LARS2: variants seen among roughly 807,000 people sequenced by gnomAD.
The protein encoded by LARS2 is leucyl-tRNA synthetase 2, mitochondrial.
A neutral mutation model predicts 116.6 loss-of-function variants in LARS2; 81 were observed. The observed-to-expected ratio is 0.69, with a 90% CI of 0.58 to 0.84. LARS2 has a LOEUF of 0.84. LARS2 is among the 40% of genes least tolerant of loss of function. The pLI, the probability that LARS2 is intolerant of heterozygous loss-of-function variation, is 0.00. For missense variants in LARS2, 968 were observed against 1,114.5 expected (o/e 0.87, Z 1.87); for synonymous variants, 396 against 407.2 (o/e 0.97, Z 0.33).
Position 45,541,911 on chromosome 3 carries a change from C to T in LARS2, c.2487C>T (p.Asp829=). 6.2e-7 allele frequency: 1 copy of T among 1,614,240 alleles called. No individual in the cohort carries two copies. Among genetic ancestry groups the T allele is most frequent in the Non-Finnish European group, 8.5e-7 (1 of 1,180,028 alleles). The change falls in exon 21 of 22, where the codon GAC becomes GAT. Residue 829 remains aspartate (D), a synonymous_variant. Coordinates refer to ENST00000645846, the MANE Select transcript of LARS2 (RefSeq NM_015340.4). ...SVLLQAWPAV[D]PEFLQQPEVV... The stretch of plus-strand genomic sequence containing the variant: ...TGCTCCAGGCATGGCCTGCTGTGGA[C>T]CCGGAGTTCCTGCAGCAGCCTGAGG...
chr3:45,413,136 A>C (rs1319200146), intron 4 of LARS2, among the ~76,000 whole-genome samples: 3 of 152,234 alleles, frequency 2.0e-5, no homozygotes, highest in Admixed American at 6.5e-5. Context: ...AATGCCTAGC[A>C]CCAACCTTCT....
intron 15 of LARS2, among the ~76,000 whole-genome samples, chr3:45,510,722 C>A (rs1185641044): frequency 6.6e-6 from 1 of 152,132 alleles, no homozygotes; most frequent in African/African-American, 2.4e-5. Flanking sequence ...AGGGAGAAGT[C>A]CTGGATGGCT....
At chr3:45,494,402 CAGA>C (rs199538101) in intron 13 of LARS2, among the ~76,000 whole-genome samples, 343 of 152,330 alleles carry the variant, frequency 2.3e-3, no homozygotes, top group African/African-American at 7.9e-3. Context: ...GCTAAATTAG[CAGA>C]AGATTTATCA....
rs189976783 is a variant in LARS2, at chr3:45,429,985, A to C, written c.516+10256A>C. Among the ~76,000 whole-genome samples the C allele has an allele frequency of 9.6e-4, 122 of 126,778 alleles. 1 individual carries two copies. The highest frequency in any genetic ancestry group is 2.1e-4 in the Non-Finnish European group (13 of 61,892). The allele number at this position is 126,778 out of a possible 152,430, so 83.2% of individuals were successfully genotyped here. On this transcript the variant is annotated intron_variant, in intron 6 of 21. Coordinates refer to ENST00000645846, the MANE Select transcript of LARS2 (RefSeq NM_015340.4). ...CCAAAGTGCTGGACTTACAGGCATGAGCCACCATGCCCAGCCTCTTTTTTT... is the reference window on the plus strand; with the variant it reads ...CCAAAGTGCTGGACTTACAGGCATGCGCCACCATGCCCAGCCTCTTTTTTT...
In LARS2 at chr3:45,418,476, G is replaced by A. The variant is rs142157895; in HGVS notation, c.455+903G>A. On this transcript the variant is annotated intron_variant, in intron 5 of 21. Coordinates refer to ENST00000645846, the MANE Select transcript of LARS2 (RefSeq NM_015340.4). Reference sequence around the variant, plus strand: ...TTTTATCTAGTGATAAAAAGAGGAGGAAATGATGATTCAAATAAAGTGGAT... The same window carrying A: ...TTTTATCTAGTGATAAAAAGAGGAGAAAATGATGATTCAAATAAAGTGGAT... Among the ~76,000 whole-genome samples the A allele has an allele frequency of 7.2e-4, 110 of 152,264 alleles. 1 individual carries two copies. The highest frequency in any genetic ancestry group is 2.4e-3 in the African/African-American group (101 of 41,568).
At position 45,485,730 on chromosome 3, in the gene LARS2, C is replaced by A. The variant is rs1699796284; in HGVS notation, c.1057C>A (p.Gln353Lys). 6.2e-7 allele frequency: 1 copy of A among 1,611,766 alleles called. No homozygotes were observed. The change falls in exon 11 of 22, where the codon CAG (glutamine) becomes AAG (lysine). Residue 353 changes from glutamine (Q) to lysine (K), a missense_variant. Gln to Lys is a moderately conservative substitution (Grantham distance 53). Coordinates refer to ENST00000645846, the MANE Select transcript of LARS2 (RefSeq NM_015340.4). ...TGTAATGGCTGTGAACATGCTTACC[C>A]AGCAGGAGGTCCCTGTCGTTATTTT... ...TPVMAVNMLT[Q>K]QEVPVVILAK...
chr3:45,392,344 C>T (rs1697970017), intron 2 of LARS2, among the ~76,000 whole-genome samples: 2 of 150,228 alleles, frequency 1.3e-5, no homozygotes, highest in African/African-American at 4.9e-5. Flanking sequence ...TTTTGTCGCC[C>T]AGGCTCTGGA....
At chr3:45,417,275 T>C (rs1385357725) in intron 4 of LARS2, among the ~76,000 whole-genome samples, 1 of 152,150 alleles carries the variant, frequency 6.6e-6, no homozygotes. Flanking sequence ...CAGAGGTAAC[T>C]TATTGGTGCT....
intron 7 of LARS2, among the ~76,000 whole-genome samples, chr3:45,448,908 T>C (rs1373125322): frequency 6.6e-6 from 1 of 152,172 alleles, no homozygotes; most frequent in African/African-American, 2.4e-5. Context: ...TTATGGCCAG[T>C]TTGGGGGCCA....
chr3:45,417,603 T>C (rs1698451357), intron 5 of LARS2, 30 bp downstream of exon 5: 1 of 1,551,416 alleles, frequency 6.4e-7, no homozygotes, highest in African/African-American at 1.4e-5. Context: ...TTCAAATACT[T>C]GCATACAAAA....
intron 8 of LARS2, among the ~76,000 whole-genome samples, chr3:45,460,587 T>C (rs1351025770): frequency 6.6e-6 from 1 of 152,254 alleles, no homozygotes; most frequent in Admixed American, 6.5e-5. Context: ...GCTGAACTCC[T>C]GTGCAGATGT....
intron 8 of LARS2, among the ~76,000 whole-genome samples, chr3:45,469,320 G>A (rs973235900): frequency 6.6e-6 from 1 of 152,012 alleles, no homozygotes; most frequent in Non-Finnish European, 1.5e-5. Context: ...AGTCAAACAA[G>A]GTAAACATCA....
intron 6 of LARS2, among the ~76,000 whole-genome samples, chr3:45,425,218 A>G (rs1357266078): frequency 6.6e-6 from 1 of 152,106 alleles, no homozygotes; most frequent in Non-Finnish European, 1.5e-5. Context: ...AATGTTTTTT[A>G]CAACTTTCGG....
intron 7 of LARS2, among the ~76,000 whole-genome samples, chr3:45,456,612 C>G (rs1559475125): frequency 6.6e-6 from 1 of 152,104 alleles, no homozygotes; most frequent in African/African-American, 2.4e-5. Flanking sequence ...TAAGTGGTAC[C>G]CTTCTCTCCA....
At chr3:45,546,446 G>A (rs1700877233) in intron 21 of LARS2, among the ~76,000 whole-genome samples, 2 of 152,206 alleles carry the variant, frequency 1.3e-5, no homozygotes, top group Non-Finnish European at 2.9e-5. Context: ...TCCTCTCCCT[G>A]TGACCTAGGC....
At chr3:45,509,263 A>T (rs558277330) in intron 15 of LARS2, 1 of 152,134 alleles carries the variant, frequency 6.6e-6, no homozygotes, top group African/African-American at 2.4e-5. Flanking sequence ...CACAGTCACT[A>T]TGATGAATGA....
intron 3 of LARS2, among the ~76,000 whole-genome samples, chr3:45,398,314 C>G (rs1698085415): frequency 6.6e-6 from 1 of 152,212 alleles, no homozygotes; most frequent in African/African-American, 2.4e-5. Context: ...CTGGTTTCTT[C>G]TGCTCTACTG....
chr3:45,524,030 G>A lies in LARS2; in HGVS notation c.2326G>A (p.Glu776Lys), dbSNP rs745310514. 6.8e-6 allele frequency: 11 copies of A among 1,613,724 alleles called. No individual in the cohort carries two copies. The Admixed American group carries it at 1.5e-4, about 22-fold the overall frequency. Residue 776 changes from glutamate (E) to lysine (K), a missense_variant, in exon 20 of 22, where the codon GAG (glutamate) becomes AAG (lysine). Physicochemically the swap from Glu to Lys is moderately conservative, Grantham distance 56 (BLOSUM62 1). Transcript: ENST00000645846. ...ASQSVILHSP[E>K]FEDALCALMV... is the part of the protein sequence containing the mutation. Reference sequence around the variant, plus strand: ...TCAGAGCGTCATTCTCCACAGCCCCGAGTTTGAGGATGCTTTGTGTGCCCT... The same window carrying A: ...TCAGAGCGTCATTCTCCACAGCCCCAAGTTTGAGGATGCTTTGTGTGCCCT...
intron 16 of LARS2, among the ~76,000 whole-genome samples, 157 bp downstream of exon 16, chr3:45,513,392 C>A (rs1239523274): frequency 6.6e-6 from 1 of 152,058 alleles, no homozygotes; most frequent in Non-Finnish European, 1.5e-5. Context: ...TCCCTCTGGG[C>A]CTGCGCCCCC....
Sources: gnomAD v4.1 joint callset for allele counts (sites outside exome capture counted in the v4.1 genomes callset) on GRCh38, gnomAD v4.1.1 for gene constraint, MANE v1.5 for transcripts, NCBI Gene and HGNC (gene_info 2026-07-23, HGNC 2026-07-21) for gene names.